The following ABTB3 variants were observed in gnomAD, a reference collection of about 807,000 sequenced individuals.
ABTB3 encodes the protein ankyrin repeat- and BTB/POZ domain-containing protein 3.
At chr12:107,539,347 G>C in the ABTB3 span, among the ~76,000 whole-genome samples, 1 of 152,196 alleles carries the variant, frequency 6.6e-6, no homozygotes, top group East Asian at 1.9e-4. Context: ...CTCTTATTCT[G>C]ACCAGTGGTT....
the ABTB3 span, chr12:107,617,130 G>A: frequency 9.3e-6 from 15 of 1,614,042 alleles, no homozygotes; most frequent in East Asian, 1.3e-4. Context: ...GCTCAGTGGA[G>A]CATGGCGAGG....
chr12:107,444,670 A>T, the ABTB3 span, among the ~76,000 whole-genome samples: 2 of 152,054 alleles, frequency 1.3e-5, no homozygotes, highest in African/African-American at 4.8e-5. Context: ...GATGAAATTA[A>T]CCATGTCTTC....
At chr12:107,485,172 C>T in the ABTB3 span, among the ~76,000 whole-genome samples, 32 of 152,154 alleles carry the variant, frequency 2.1e-4, 2 homozygotes, top group Admixed American at 1.4e-3. Context: ...GCATATGTGG[C>T]AAAACAGAAT....
chr12:107,514,198 G>A, the ABTB3 span, among the ~76,000 whole-genome samples: 16 of 152,276 alleles, frequency 1.1e-4, no homozygotes, highest in East Asian at 7.7e-4. Context: ...TGGCAGTGCC[G>A]GTATCTTGTC....
chr12:107,318,805 G>A, the ABTB3 span: 1 of 1,010,736 alleles, frequency 9.9e-7, no homozygotes. Context: ...AGTACTAACA[G>A]TTGGTAGCAG....
chr12:107,383,317 C>T, the ABTB3 span, among the ~76,000 whole-genome samples: 2 of 152,190 alleles, frequency 1.3e-5, no homozygotes, highest in African/African-American at 4.8e-5. Flanking sequence ...GCATTTGCCT[C>T]TGTTGTCTGT....
chr12:107,454,954 A>G, the ABTB3 span, among the ~76,000 whole-genome samples: 1 of 152,226 alleles, frequency 6.6e-6, no homozygotes, highest in Non-Finnish European at 1.5e-5. Context: ...CCTTGAAATT[A>G]AGCAGTATTC....
the ABTB3 span, among the ~76,000 whole-genome samples, chr12:107,382,956 C>T: frequency 2.6e-5 from 4 of 152,150 alleles, no homozygotes; most frequent in Non-Finnish European, 4.4e-5. Context: ...GGACTCACTG[C>T]AGGGTAGGAG....
chr12:107,519,423 A>T, the ABTB3 span, among the ~76,000 whole-genome samples: 1 of 150,514 alleles, frequency 6.6e-6, no homozygotes, highest in South Asian at 2.1e-4. Flanking sequence ...CTCAGATTCA[A>T]GCAATTCTCC....
the ABTB3 span, among the ~76,000 whole-genome samples, chr12:107,513,067 T>C: frequency 1.3e-5 from 2 of 152,238 alleles, no homozygotes; most frequent in Admixed American, 6.5e-5. Flanking sequence ...TTGGATTTCC[T>C]ACCATATAGT....
chr12:107,321,361 G>A, the ABTB3 span, among the ~76,000 whole-genome samples: 1 of 152,202 alleles, frequency 6.6e-6, no homozygotes, highest in Non-Finnish European at 1.5e-5. Context: ...ACAAGCGGGC[G>A]CGCAGGGCGC....
chr12:107,644,972 CTTT>C, the ABTB3 span, among the ~76,000 whole-genome samples: 438 of 127,186 alleles, frequency 3.4e-3, 3 homozygotes, highest in African/African-American at 0.012. Flanking sequence ...TCAAAATTCA[CTTT>C]TTTTTTTTTT....
the ABTB3 span, among the ~76,000 whole-genome samples, chr12:107,475,428 A>AG: frequency 6.6e-6 from 1 of 152,232 alleles, no homozygotes; most frequent in Non-Finnish European, 1.5e-5. Context: ...ACAGTATCCA[A>AG]GGGGGAGTGT....
At chr12:107,466,199 G>C in the ABTB3 span, among the ~76,000 whole-genome samples, 1 of 152,064 alleles carries the variant, frequency 6.6e-6, no homozygotes, top group Non-Finnish European at 1.5e-5. Flanking sequence ...GGTGTCAGGA[G>C]GGGCCCAAGC....
At chr12:107,389,846 TTGTGTG>T in the ABTB3 span, among the ~76,000 whole-genome samples, 62,980 of 141,252 alleles carry the variant, frequency 0.45, 14,023 homozygotes, top group East Asian at 0.66. Flanking sequence ...GTGTGTGTGT[TTGTGTG>T]TGTGTGTGTG....
chr12:107,344,813 AAC>A, the ABTB3 span, among the ~76,000 whole-genome samples: 2 of 152,232 alleles, frequency 1.3e-5, no homozygotes, highest in East Asian at 3.8e-4. Flanking sequence ...TTTGAGCTTT[AAC>A]ACAGACTTAA....
chr12:107,419,123 T>G, the ABTB3 span, among the ~76,000 whole-genome samples: 8 of 152,342 alleles, frequency 5.3e-5, no homozygotes, highest in Admixed American at 2.6e-4. Context: ...GGGAGTTTAT[T>G]AAGTAGTATC....
chr12:107,652,580 A>G, the ABTB3 span, among the ~76,000 whole-genome samples: 1 of 152,202 alleles, frequency 6.6e-6, no homozygotes, highest in Non-Finnish European at 1.5e-5. Context: ...ACTAATTAGA[A>G]TCACCTGGGG....
the ABTB3 span, among the ~76,000 whole-genome samples, chr12:107,327,270 C>T: frequency 6.6e-6 from 1 of 152,212 alleles, no homozygotes; most frequent in Non-Finnish European, 1.5e-5. Flanking sequence ...CGGATTATTA[C>T]TTCCTTTTCC....
Sources: gnomAD v4.1 joint callset for allele counts (sites outside exome capture counted in the v4.1 genomes callset) on GRCh38, gnomAD v4.1.1 for gene constraint, MANE v1.5 for transcripts, NCBI Gene and HGNC (gene_info 2026-07-23, HGNC 2026-07-21) for gene names.